Variants in RAB6B observed in about 807,000 individuals in gnomAD.
The protein encoded by RAB6B is RAB6B, member RAS oncogene family.
RAB6B carries 7 observed loss-of-function variants against 31.2 expected under a neutral mutation model. The ratio of observed to expected loss-of-function variants is 0.22; its 90% CI spans 0.13 to 0.42. The LOEUF (loss-of-function observed/expected upper bound fraction) is 0.42. Ranked by LOEUF, RAB6B falls within the 10% of genes least tolerant of loss-of-function variation. RAB6B has a pLI of 1.00. For missense variants in RAB6B, 149 were observed against 280.6 expected, an observed-to-expected ratio of 0.53 and a Z score of 3.35; for synonymous variants, 105 against 104.9, an observed-to-expected ratio of 1.00 and a Z score of -0.01.
intron 2 of RAB6B, among the ~76,000 whole-genome samples, chr3:133,860,035 G>A (rs1425920712): frequency 2.6e-5 from 4 of 152,174 alleles, no homozygotes; most frequent in Admixed American, 1.3e-4. Flanking sequence ...GGAGGGGCTC[G>A]GAGCCTGCAG....
intron 1 of RAB6B, chr3:133,885,521 G>C: frequency 1.4e-6 from 1 of 702,956 alleles, no homozygotes; most frequent in Non-Finnish European, 2.6e-6. Context: ...CAGAGGATAG[G>C]GGAGCTCACA....
chr3:133,852,059 A>G (rs1265430655), intron 2 of RAB6B, among the ~76,000 whole-genome samples: 1 of 152,230 alleles, frequency 6.6e-6, no homozygotes, highest in Non-Finnish European at 1.5e-5. Flanking sequence ...ACAGGGAATG[A>G]GCGTGGTCCA....
intron 1 of RAB6B, among the ~76,000 whole-genome samples, chr3:133,879,262 G>A (rs1045310049): frequency 1.3e-5 from 2 of 152,102 alleles, no homozygotes; most frequent in African/African-American, 2.4e-5. Context: ...TTAATTACAC[G>A]CACACATCCA....
intron 1 of RAB6B, chr3:133,894,313 C>T (rs1288136739): frequency 6.6e-6 from 1 of 152,352 alleles, no homozygotes; most frequent in Non-Finnish European, 1.5e-5. Flanking sequence ...TGGAGGGATG[C>T]TCTGAAAGCC....
At chr3:133,878,942 C>T (rs1334470750) in intron 1 of RAB6B, among the ~76,000 whole-genome samples, 1 of 152,192 alleles carries the variant, frequency 6.6e-6, no homozygotes, top group Non-Finnish European at 1.5e-5. Context: ...GCAGAAGGAG[C>T]AGGATACCCA....
At chr3:133,859,671 C>T (rs1198573893) in intron 2 of RAB6B, among the ~76,000 whole-genome samples, 3 of 152,178 alleles carry the variant, frequency 2.0e-5, no homozygotes, top group South Asian at 2.1e-4. Context: ...GAACCAAATA[C>T]CATGTTGAAT....
chr3:133,855,329 G>A (rs960508367), intron 2 of RAB6B, among the ~76,000 whole-genome samples: 6 of 152,232 alleles, frequency 3.9e-5, no homozygotes, highest in East Asian at 3.8e-4. Flanking sequence ...GCCACAGTAC[G>A]GGTACTTGCA....
intron 6 of RAB6B, among the ~76,000 whole-genome samples, chr3:133,835,373 C>T (rs760034575): frequency 7.3e-5 from 11 of 151,382 alleles, no homozygotes; most frequent in Admixed American, 4.0e-4. Context: ...TGTGTGTGAA[C>T]GTGTGGCATC....
rs1935569727 is a variant in RAB6B at position 133,826,746 on chromosome 3, C to G, written c.*2042G>C. On this transcript the variant is annotated 3_prime_UTR_variant, in exon 8 of 8. Transcript: ENST00000285208. Reference sequence around the variant, plus strand: ...CAACTATGCATTATTTTATTGATGGCAAGACAATCACAAGTTATTTGACAA... The same window carrying G: ...CAACTATGCATTATTTTATTGATGGGAAGACAATCACAAGTTATTTGACAA... The G allele has an allele frequency of 1.3e-5, 2 of 152,636 alleles. No individual in the cohort carries two copies. The highest frequency in any genetic ancestry group is 4.8e-5 in the African/African-American group (2 of 41,460). 9.5% of individuals were successfully genotyped at this position (152,636 alleles called of 1,614,324 possible).
In RAB6B at chr3:133,825,181, C is replaced by T. The variant is rs2107980865; in HGVS notation, c.*3607G>A. ...GCTACCTGGTCCCATCTCATCCTGA[C>T]ATCCTCACCTGCCTTCCATCTTGTG... On this transcript the variant is annotated 3_prime_UTR_variant, in exon 8 of 8. Coordinates refer to ENST00000285208, the MANE Select transcript of RAB6B (RefSeq NM_016577.4). 6.6e-6 allele frequency: 1 copy of T among 152,374 alleles called. No individual in the cohort carries two copies. Among genetic ancestry groups the T allele is most frequent in the South Asian group, 2.1e-4 (1 of 4,822 alleles). 9.4% of individuals were successfully genotyped at this position (152,374 alleles called of 1,614,324 possible). A position where few individuals can be genotyped will look rare whatever the true frequency, so the allele number is the denominator to read the frequency against.
chr3:133,848,320 C>A (rs189859694), intron 2 of RAB6B, among the ~76,000 whole-genome samples: 1 of 152,284 alleles, frequency 6.6e-6, no homozygotes, highest in Non-Finnish European at 1.5e-5. Flanking sequence ...GGGCTCTCAC[C>A]CAGCCCCCTT....
At chr3:133,833,157 C>T (rs547455767) in intron 7 of RAB6B, among the ~76,000 whole-genome samples, 153 of 152,296 alleles carry the variant, frequency 1.0e-3, no homozygotes, top group African/African-American at 3.4e-3. Flanking sequence ...AGGTTGGCTT[C>T]TGTATGTTCC....
intron 1 of RAB6B, 38 bp downstream of exon 1, chr3:133,895,359 A>C (rs373845604): frequency 3.1e-6 from 5 of 1,598,792 alleles, no homozygotes; most frequent in East Asian, 2.3e-5. Flanking sequence ...GCGGGGGTCG[A>C]CTCGGCGACA....
intron 1 of RAB6B, among the ~76,000 whole-genome samples, chr3:133,892,980 C>T (rs1260365153): frequency 2.0e-5 from 3 of 152,184 alleles, no homozygotes; most frequent in Admixed American, 2.0e-4. Context: ...TAAAAGAACC[C>T]ACTAACAATG....
chr3:133,864,755 G>A (rs1404962314), intron 1 of RAB6B, 113 bp from the exon 2 acceptor site: 11 of 1,050,158 alleles, frequency 1.0e-5, no homozygotes, highest in African/African-American at 4.7e-5. Context: ...GGGAAAGGCC[G>A]AGTTGCAGAA....
chr3:133,831,077 A>G (rs1013270016), intron 7 of RAB6B, among the ~76,000 whole-genome samples: 2 of 152,216 alleles, frequency 1.3e-5, no homozygotes, highest in African/African-American at 4.8e-5. Context: ...TATTGAAGTC[A>G]CCTACGACCA....
chr3:133,892,145 C>T (rs1239296636), intron 1 of RAB6B, among the ~76,000 whole-genome samples: 1 of 152,184 alleles, frequency 6.6e-6, no homozygotes, highest in East Asian at 1.9e-4. Context: ...CCATCAAATG[C>T]CCCAGTCGGG....
At chr3:133,888,274 A>G (rs1371145880) in intron 1 of RAB6B, among the ~76,000 whole-genome samples, 2 of 152,244 alleles carry the variant, frequency 1.3e-5, no homozygotes, top group South Asian at 4.1e-4. Context: ...CTGACCCACA[A>G]AACAGGGATG....
intron 1 of RAB6B, among the ~76,000 whole-genome samples, chr3:133,877,072 G>T (rs1195908864): frequency 6.6e-6 from 1 of 152,160 alleles, no homozygotes; most frequent in Admixed American, 6.5e-5. Flanking sequence ...AAACAGAGGA[G>T]GGGAGCCCCA....
Sources: gnomAD v4.1 joint callset for allele counts (sites outside exome capture counted in the v4.1 genomes callset) on GRCh38, gnomAD v4.1.1 for gene constraint, MANE v1.5 for transcripts, NCBI Gene and HGNC (gene_info 2026-07-23, HGNC 2026-07-21) for gene names.